EDA: variants seen among roughly 807,000 people sequenced by gnomAD.
EDA encodes the protein ectodysplasin-A.
A neutral mutation model predicts 23.6 loss-of-function variants in EDA; 2 were observed. The ratio of observed to expected loss-of-function variants is 0.08; its 90% confidence interval spans 0.03 to 0.27. EDA has a LOEUF of 0.27. Ranked by LOEUF, EDA falls within the 10% of genes least tolerant of loss-of-function variation. The pLI, the probability that EDA is intolerant of heterozygous loss-of-function variation, is 1.00. For synonymous variants in EDA, 131 were observed against 132.0 expected (o/e 0.99, Z 0.05); for missense variants, 229 against 324.2 (o/e 0.71, Z 2.26).
chrX:69,898,676 T>G (rs978790553), intron 1 of EDA, among the ~76,000 whole-genome samples: 3 of 112,288 alleles, frequency 2.7e-5, no homozygotes, highest in African/African-American at 9.7e-5. Flanking sequence ...TCCTGATATC[T>G]GAATATGTTT....
intron 1 of EDA, among the ~76,000 whole-genome samples, chrX:69,900,427 G>GAT (rs1015162209): frequency 1.9e-5 from 2 of 105,108 alleles, no homozygotes; most frequent in Admixed American, 1.0e-4. Flanking sequence ...ATATATTTAT[G>GAT]ATATATATAT....
At chrX:69,616,985 C>T in intron 1 of EDA, 2 of 427,380 alleles carry the variant, frequency 4.7e-6, no homozygotes, top group Non-Finnish European at 8.3e-6. Flanking sequence ...GCGACGCTCC[C>T]GTCGAGGAGG....
At chrX:70,034,672 A>G (rs1005865567) in intron 7 of EDA, among the ~76,000 whole-genome samples, 9 of 112,051 alleles carry the variant, frequency 8.0e-5, no homozygotes, top group Non-Finnish European at 1.3e-4. Context: ...GCCACTGAGC[A>G]TAAGTTAGTG....
chrX:69,764,142 G>T (rs1464679625), intron 1 of EDA, among the ~76,000 whole-genome samples: 1 of 107,466 alleles, frequency 9.3e-6, no homozygotes, highest in East Asian at 3.0e-4. Context: ...TACTGTTTTG[G>T]TCTAGCAATG....
intron 1 of EDA, among the ~76,000 whole-genome samples, chrX:69,936,204 G>A (rs1467504818): frequency 9.1e-6 from 1 of 109,782 alleles, no homozygotes; most frequent in African/African-American, 3.3e-5. Context: ...CAAATCAAGA[G>A]CATCATAAGT....
intron 2 of EDA, among the ~76,000 whole-genome samples, chrX:69,999,346 C>T (rs1174182891): frequency 9.0e-6 from 1 of 111,475 alleles, no homozygotes; most frequent in Non-Finnish European, 1.9e-5. Context: ...AGTATAGTGG[C>T]TCACGCCTGT....
chrX:69,716,222 T>G (rs1227172396), intron 1 of EDA, among the ~76,000 whole-genome samples: 1 of 112,253 alleles, frequency 8.9e-6, no homozygotes, highest in Non-Finnish European at 1.9e-5. Context: ...CAGTCTTTAC[T>G]CGTTCTTGAG....
chrX:69,939,171 G>A (rs747675584), intron 1 of EDA, among the ~76,000 whole-genome samples: 1 of 111,796 alleles, frequency 8.9e-6, no homozygotes, highest in Admixed American at 9.5e-5. Context: ...TGAATCAGTA[G>A]ATAGCTTGGG....
At chrX:69,843,922 G>A (rs949279316) in intron 1 of EDA, among the ~76,000 whole-genome samples, 7 of 106,662 alleles carry the variant, frequency 6.6e-5, no homozygotes, top group African/African-American at 1.0e-4. Flanking sequence ...CTCGGGAGGC[G>A]GAGGCAGGAG....
intron 2 of EDA, among the ~76,000 whole-genome samples, chrX:70,021,306 A>G (rs775590173): frequency 8.9e-6 from 1 of 112,124 alleles, no homozygotes; most frequent in African/African-American, 3.2e-5. Context: ...CTGATATAAC[A>G]GTGCTTACCC....
chrX:69,968,996 C>T (rs939315412), intron 2 of EDA, among the ~76,000 whole-genome samples: 17 of 112,251 alleles, frequency 1.5e-4, no homozygotes, highest in African/African-American at 4.5e-4. Flanking sequence ...CTTTAATGAA[C>T]CTAGTACTCT....
intron 1 of EDA, among the ~76,000 whole-genome samples, chrX:69,872,012 C>T (rs1293641348): frequency 1.8e-5 from 2 of 111,632 alleles, no homozygotes; most frequent in African/African-American, 6.5e-5. Flanking sequence ...CATCAGGAAA[C>T]TTATAAAGGA....
At chrX:69,928,858 C>T (rs1186919851) in intron 1 of EDA, among the ~76,000 whole-genome samples, 1 of 111,372 alleles carries the variant, frequency 9.0e-6, no homozygotes, top group African/African-American at 3.3e-5. Context: ...AGTAGGAACT[C>T]ATAGAAAAGT....
chrX:69,761,642 T>C (rs1202987470), intron 1 of EDA, among the ~76,000 whole-genome samples: 3 of 112,264 alleles, frequency 2.7e-5, no homozygotes, highest in Non-Finnish European at 5.6e-5. Context: ...ATTATAAACA[T>C]GAGTATTTTG....
chrX:69,695,975 C>T (rs1242345163), intron 1 of EDA, among the ~76,000 whole-genome samples: 1 of 110,707 alleles, frequency 9.0e-6, no homozygotes, highest in African/African-American at 3.3e-5. Flanking sequence ...CGCAGTGGCT[C>T]ACGCCTGTAA....
At chrX:69,656,287 C>T (rs1248959255) in intron 1 of EDA, among the ~76,000 whole-genome samples, 2 of 111,387 alleles carry the variant, frequency 1.8e-5, no homozygotes, top group Non-Finnish European at 3.8e-5. Flanking sequence ...TCTATTACTA[C>T]TGCCAGCACT....
At chrX:69,618,800 T>C (rs932708387) in intron 1 of EDA, among the ~76,000 whole-genome samples, 1 of 112,341 alleles carries the variant, frequency 8.9e-6, no homozygotes, top group Non-Finnish European at 1.9e-5. Flanking sequence ...CTTCCTGAAC[T>C]TCACTTTCAG....
intron 1 of EDA, among the ~76,000 whole-genome samples, chrX:69,655,622 C>A (rs1353793685): frequency 9.5e-6 from 1 of 105,653 alleles, no homozygotes; most frequent in South Asian, 4.3e-4. Context: ...TAATACCTAC[C>A]TTTAGTGATC....
chrX:69,807,904 A>G (rs773257882), intron 1 of EDA, among the ~76,000 whole-genome samples: 1 of 111,961 alleles, frequency 8.9e-6, no homozygotes, highest in East Asian at 2.8e-4. Context: ...ACTGCCAGGG[A>G]CCTTGAATAA....
Sources: allele counts gnomAD v4.1 joint callset (sites outside exome capture counted in the v4.1 genomes callset), GRCh38; gene constraint gnomAD v4.1.1; transcripts MANE v1.5; gene names NCBI Gene and HGNC (gene_info 2026-07-23, HGNC 2026-07-21).